The following DOCK4 variants were observed in gnomAD, a reference collection of about 807,000 sequenced individuals.
The protein encoded by DOCK4 is dedicator of cytokinesis protein 4.
In DOCK4, 97 loss-of-function variants were observed where a neutral mutation model predicts 268.1. That is an observed-to-expected ratio of 0.36 (90% CI 0.31 to 0.43). The LOEUF (loss-of-function observed/expected upper bound fraction) is 0.43, where lower values mean the gene tolerates loss of function less well. Ranked by LOEUF, DOCK4 falls within the 20% of genes least tolerant of loss-of-function variation. DOCK4 has a pLI of 1.00. For synonymous variants in DOCK4, 954 were observed against 887.2 expected, an observed-to-expected ratio of 1.08 and a Z score of -1.34; for missense variants, 2,145 against 2,455.7, an observed-to-expected ratio of 0.87 and a Z score of 2.67.
At chr7:111,911,349 A>C (rs1362113702) in intron 13 of DOCK4, among the ~76,000 whole-genome samples, 1 of 152,222 alleles carries the variant, frequency 6.6e-6, no homozygotes, top group Non-Finnish European at 1.5e-5. Flanking sequence ...AGGAAAACAA[A>C]ACAATGATTG....
chr7:112,163,042 T>C (rs568602654), intron 1 of DOCK4, among the ~76,000 whole-genome samples: 2 of 152,300 alleles, frequency 1.3e-5, no homozygotes, highest in Admixed American at 1.3e-4. Flanking sequence ...TCTACTGCCA[T>C]ATCCTACAAC....
rs1191324504 is a variant in DOCK4, at chr7:111,746,360, G to A, written c.4651C>T (p.Arg1551Ter). 2 of 1,612,860 alleles carry A rather than the reference G, an allele frequency of 1.2e-6. No individual in the cohort carries two copies. Among genetic ancestry groups the A allele is most frequent in the Non-Finnish European group, 1.7e-6 (2 of 1,179,438 alleles). ...TGCTCAAGCATCAGCTCTCTTAATC[G>A]TGCAATTTTCTCCCCATCTTCAGGG... The part of the protein sequence containing the change: ...SHPEDGEKIA[R>*]LRELMLEQAQ... The change falls in exon 44 of 53, where the codon CGA becomes TGA. Residue 1551 changes from arginine (R) to a stop codon, truncating the protein, a stop_gained. Coordinates refer to ENST00000428084, the MANE Select transcript of DOCK4 (RefSeq NM_001363540.2). LOFTEE classifies it high-confidence loss of function.
chr7:112,009,880 G>A (rs1390573388), intron 1 of DOCK4, among the ~76,000 whole-genome samples: 1 of 152,162 alleles, frequency 6.6e-6, no homozygotes, highest in Admixed American at 6.5e-5. Flanking sequence ...GCAGTGGCAT[G>A]AACTCAGCTC....
At chr7:111,909,866 G>A (rs1293111755) in intron 13 of DOCK4, among the ~76,000 whole-genome samples, 1 of 151,916 alleles carries the variant, frequency 6.6e-6, no homozygotes, top group Non-Finnish European at 1.5e-5. Flanking sequence ...AGAGGCTAAG[G>A]CAGGAGAATC....
chr7:112,043,277 T>C (rs1410467270), intron 1 of DOCK4, among the ~76,000 whole-genome samples: 2 of 152,118 alleles, frequency 1.3e-5, no homozygotes, highest in Admixed American at 6.5e-5. Context: ...TTATTCTCTC[T>C]AGAAAATTAA....
At chr7:111,913,712 ATTT>A (rs754312104) in intron 13 of DOCK4, among the ~76,000 whole-genome samples, 1 of 137,366 alleles carries the variant, frequency 7.3e-6, no homozygotes, top group Admixed American at 7.2e-5. Flanking sequence ...CCCGGCCACA[ATTT>A]TTTTTTTTTT....
chr7:111,958,029 A>G (rs10487335), intron 8 of DOCK4, among the ~76,000 whole-genome samples: 5,653 of 152,276 alleles, frequency 0.037, 362 homozygotes, highest in African/African-American at 0.13. Context: ...ACAACTCTAT[A>G]AACATTTTTG....
chr7:111,834,693 T>C lies in DOCK4; in HGVS notation c.2737-7A>G. ...GACAAGCAACAAACTCCCCCTAAGT[T>C]AAAAAAAAAAAAAGCATACATTTTA... On this transcript the variant is annotated splice_region_variant and splice_polypyrimidine_tract_variant and intron_variant, in intron 25 of 52. Transcript: ENST00000428084. 7.3e-7 allele frequency: 1 copy of C among 1,367,458 alleles called. No homozygotes were observed. The highest frequency in any genetic ancestry group is 9.8e-7 in the Non-Finnish European group (1 of 1,023,938). The allele number at this position is 1,367,458 out of a possible 1,614,324, so 84.7% of individuals were successfully genotyped here. A position where few individuals can be genotyped will look rare whatever the true frequency, so the allele number is the denominator to read the frequency against.
chr7:111,998,577 A>C (rs1263666792), intron 3 of DOCK4, 74 bp from the exon 4 acceptor site: 14 of 1,112,744 alleles, frequency 1.3e-5, no homozygotes, highest in Non-Finnish European at 1.7e-5. Context: ...TTTGTATAAA[A>C]CACAGCCATA....
Position 111,973,186 on chromosome 7 carries a change from T to TATATATATATATATATAA in DOCK4, c.701+3945_701+3946insTTATATATATATATATAT, listed in dbSNP as rs1554399511. Among the ~76,000 whole-genome samples, 46 of 137,538 alleles carry TATATATATATATATATAA rather than the reference T, an allele frequency of 3.3e-4. 1 individual carries two copies. Among genetic ancestry groups the TATATATATATATATATAA allele is most frequent in the African/African-American group, 1.1e-3 (44 of 38,554 alleles). The allele number at this position is 137,538 out of a possible 152,430, so 90.2% of individuals were successfully genotyped here. On this transcript the variant is annotated intron_variant, in intron 8 of 52. Coordinates refer to ENST00000428084, the MANE Select transcript of DOCK4 (RefSeq NM_001363540.2). ...ATATATATATATATATATATATATA[T>TATATATATATATATATAA]AATATTTTCTTTATCCACTCATTGA... is the stretch of plus-strand genomic sequence containing the variant.
At chr7:111,976,268 ATTATAT>A (rs1168162405) in intron 8 of DOCK4, among the ~76,000 whole-genome samples, 57 of 56,400 alleles carry the variant, frequency 1.0e-3, no homozygotes, top group African/African-American at 4.0e-3. Flanking sequence ...ATGTGTGTCT[ATTATAT>A]ATATATATAT....
At position 111,872,142 on chromosome 7, in the gene DOCK4, C is replaced by T; in HGVS notation, c.1927-52G>A. ...AAACTAAATGCAAATCAAGGTTTTCCTTTTTTTTTTGCTTCTTTTTAAAAT... is the reference window on the plus strand; with the variant it reads ...AAACTAAATGCAAATCAAGGTTTTCTTTTTTTTTTTGCTTCTTTTTAAAAT... On this transcript the variant is annotated intron_variant, in intron 19 of 52. Transcript: ENST00000428084. 6 of 1,214,514 alleles carry T rather than the reference C, an allele frequency of 4.9e-6. No homozygotes were observed. In the South Asian group the frequency reaches 5.1e-5, roughly 10 times the overall value. The allele number at this position is 1,214,514 out of a possible 1,614,324, so 75.2% of individuals were successfully genotyped here.
At chr7:111,935,766 T>C in intron 11 of DOCK4, 138 bp from the exon 12 acceptor site, 1 of 700,646 alleles carries the variant, frequency 1.4e-6, no homozygotes, top group Middle Eastern at 3.5e-4. Flanking sequence ...TGCAACTGAC[T>C]GTCAGTTTTA....
At chr7:111,829,799 G>C (rs188698101) in intron 26 of DOCK4, among the ~76,000 whole-genome samples, 9 of 152,066 alleles carry the variant, frequency 5.9e-5, no homozygotes, top group African/African-American at 2.2e-4. Flanking sequence ...CCTTTACTAC[G>C]ATATCAAAAC....
rs554590594 is a variant in DOCK4, at chr7:111,929,953, A to C, written c.1066+5587T>G. On this transcript the variant is annotated intron_variant, in intron 12 of 52. Transcript: ENST00000428084. The stretch of plus-strand genomic sequence containing the variant: ...GCCAATGATTTTTACACACCGTTTC[A>C]AGACGTAGAACTTAATTTGCCTCAG... Among the ~76,000 whole-genome samples, 10 of 152,322 alleles carry C rather than the reference A, an allele frequency of 6.6e-5. 1 individual carries two copies. The highest frequency in any genetic ancestry group is 2.4e-4 in the African/African-American group (10 of 41,576).
intron 1 of DOCK4, among the ~76,000 whole-genome samples, chr7:112,004,772 C>T (rs1276310957): frequency 1.3e-5 from 2 of 152,148 alleles, no homozygotes; most frequent in African/African-American, 4.8e-5. Context: ...ACACAGCCAC[C>T]ACAATTCCCA....
intron 1 of DOCK4, among the ~76,000 whole-genome samples, chr7:112,005,635 T>C (rs1030844603): frequency 6.6e-6 from 1 of 152,230 alleles, no homozygotes; most frequent in African/African-American, 2.4e-5. Context: ...GTAGATTGAC[T>C]GCAATTTAAA....
rs374961887 is a variant in DOCK4, at chr7:111,868,059, A to G, written c.2205T>C (p.Ile735=). 1.9e-4 allele frequency: 303 copies of G among 1,613,782 alleles called. No individual in the cohort carries two copies. Among genetic ancestry groups the G allele is most frequent in the Non-Finnish European group, 2.5e-4 (292 of 1,179,762 alleles). Residue 735 remains isoleucine, a synonymous_variant, in exon 22 of 53, where the codon ATT becomes ATC. Coordinates refer to ENST00000428084, the MANE Select transcript of DOCK4 (RefSeq NM_001363540.2). ...GQNEEEFRCC[I]QELLMSVRFF... is the part of the protein sequence containing the mutation. ...AACGGACTGACATGAGAAGCTCCTG[A>G]ATGCAGCAGCGGAACTCCTCTTCGT...
intron 1 of DOCK4, among the ~76,000 whole-genome samples, chr7:112,137,808 C>G (rs989651761): frequency 2.0e-5 from 3 of 152,318 alleles, no homozygotes; most frequent in African/African-American, 7.2e-5. Context: ...GCTCAGTGAC[C>G]TTGACCTGAC....
Sources: gnomAD v4.1 joint callset for allele counts (sites outside exome capture counted in the v4.1 genomes callset) on GRCh38, gnomAD v4.1.1 for gene constraint, MANE v1.5 for transcripts, NCBI Gene and HGNC (gene_info 2026-07-23, HGNC 2026-07-21) for gene names.